The following ALDH1A1 variants were observed in gnomAD, a reference collection of about 807,000 sequenced individuals.
ALDH1A1 encodes the protein aldehyde dehydrogenase 1A1.
A neutral mutation model predicts 62.1 loss-of-function variants in ALDH1A1; 19 were observed. The ratio of observed to expected loss-of-function variants is 0.31; its 90% CI spans 0.21 to 0.45. The LOEUF is 0.45. Among genes scored for constraint, ALDH1A1 ranks in the 20% least tolerant of loss-of-function variants. The pLI is 1.00. For synonymous variants in ALDH1A1, 231 were observed against 215.9 expected (o/e 1.07, Z -0.61); for missense variants, 521 against 607.1 (o/e 0.86, Z 1.49).
chr9:72,918,350 T>C (rs1430136074), intron 8 of ALDH1A1, among the ~76,000 whole-genome samples: 1 of 152,180 alleles, frequency 6.6e-6, no homozygotes, highest in Non-Finnish European at 1.5e-5. Flanking sequence ...GTCTCCTCAG[T>C]TGGTCTCAAT....
chr9:72,906,324 A>G (rs1036993382), intron 11 of ALDH1A1, among the ~76,000 whole-genome samples: 1 of 152,156 alleles, frequency 6.6e-6, no homozygotes, highest in East Asian at 1.9e-4. Flanking sequence ...AATAGTCACT[A>G]TGCTGTAGGG....
At chr9:72,918,480 C>A (rs989552953) in intron 8 of ALDH1A1, among the ~76,000 whole-genome samples, 52 of 152,028 alleles carry the variant, frequency 3.4e-4, no homozygotes, top group Non-Finnish European at 8.8e-5. Context: ...TAGGGTTCAG[C>A]TGAGGAAATA....
chr9:72,943,950 GA>G (rs928337467), intron 1 of ALDH1A1, among the ~76,000 whole-genome samples: 2 of 149,816 alleles, frequency 1.3e-5, no homozygotes, highest in Admixed American at 1.3e-4. Context: ...TGGAAAGAAG[GA>G]AAAAAAAAGA....
intron 5 of ALDH1A1, 174 bp downstream of exon 5, chr9:72,926,942 C>T (rs932384522): frequency 2.1e-5 from 11 of 527,478 alleles, no homozygotes; most frequent in Non-Finnish European, 2.7e-5. Flanking sequence ...TTTCGGACTA[C>T]CTAATTCATA....
chr9:72,947,566 G>A (rs1830490027), intron 1 of ALDH1A1, among the ~76,000 whole-genome samples: 1 of 151,904 alleles, frequency 6.6e-6, no homozygotes, highest in African/African-American at 2.4e-5. Context: ...ATTGGGAAAG[G>A]GGGATAATAC....
intron 7 of ALDH1A1, among the ~76,000 whole-genome samples, chr9:72,920,784 T>C (rs191761738): frequency 6.6e-6 from 1 of 152,342 alleles, no homozygotes; most frequent in East Asian, 1.9e-4. Context: ...ACGTTTATCA[T>C]TTTTCTCAAA....
chr9:72,952,416 G>A (rs1456581862), intron 1 of ALDH1A1, among the ~76,000 whole-genome samples: 1 of 151,956 alleles, frequency 6.6e-6, no homozygotes, highest in Non-Finnish European at 1.5e-5. Flanking sequence ...ACCAAAATAT[G>A]CAAAATAATG....
At chr9:72,926,566 T>A (rs1830211821) in intron 5 of ALDH1A1, among the ~76,000 whole-genome samples, 1 of 152,244 alleles carries the variant, frequency 6.6e-6, no homozygotes, top group Non-Finnish European at 1.5e-5. Flanking sequence ...ATGGAGGATC[T>A]GAGCCTCTTA....
At chr9:72,931,553 C>T (rs1010784711) in intron 2 of ALDH1A1, among the ~76,000 whole-genome samples, 2 of 152,192 alleles carry the variant, frequency 1.3e-5, no homozygotes, top group African/African-American at 4.8e-5. Flanking sequence ...CCAGGTCAAG[C>T]TCAAGATCCA....
At chr9:72,934,466 TCCCTGGTTTTCAAGG>T (rs1482638275) in intron 2 of ALDH1A1, among the ~76,000 whole-genome samples, 2 of 152,192 alleles carry the variant, frequency 1.3e-5, no homozygotes, top group Non-Finnish European at 2.9e-5. Flanking sequence ...GTCAAAGTCC[TCCCTGGTTTTCAAGG>T]CCCAGGATTT....
intron 11 of ALDH1A1, among the ~76,000 whole-genome samples, chr9:72,906,914 G>A (rs1489154686): frequency 6.6e-6 from 1 of 152,134 alleles, no homozygotes; most frequent in Non-Finnish European, 1.5e-5. Context: ...GAGGCAGGAG[G>A]ATCACTTGAG....
rs1830197170 is a variant in ALDH1A1, at chr9:72,925,749, T to C, written c.505-137A>G. 3.0e-6 allele frequency: 3 copies of C among 984,400 alleles called. No homozygotes were observed. In the East Asian group the frequency reaches 8.5e-5, roughly 28 times the overall value. The allele number at this position is 984,400 out of a possible 1,614,324, so 61.0% of individuals were successfully genotyped here. ...TGTGAAATCATCTGGCATATTATAC[T>C]TCATTGCTAAAAGCAACTAGTAAAT... On this transcript the variant is annotated intron_variant, in intron 5 of 12. Transcript: ENST00000297785.
chr9:72,940,329 T>TA, intron 1 of ALDH1A1, 77 bp from the exon 2 acceptor site: 1 of 1,036,932 alleles, frequency 9.6e-7, no homozygotes. Flanking sequence ...AAACTTAAAC[T>TA]AAAGCATTTC....
chr9:72,937,635 T>A (rs8187899), intron 2 of ALDH1A1, among the ~76,000 whole-genome samples: 315 of 152,294 alleles, frequency 2.1e-3, no homozygotes, highest in African/African-American at 7.2e-3. Context: ...GACTACACTG[T>A]GGACATGTAC....
In ALDH1A1 at chr9:72,903,536, T is replaced by G. The variant is rs535562971; in HGVS notation, c.1434-2256A>C. ...CTTGGAACATCTTGCAGCAAATGAC[T>G]TGGTTATTAAATTCACCAAATTTGG... On this transcript the variant is annotated intron_variant, in intron 12 of 12. Transcript: ENST00000297785. Among the ~76,000 whole-genome samples the G allele has an allele frequency of 3.9e-5, 6 of 151,974 alleles. No individual in the cohort carries two copies. The South Asian group carries it at 6.2e-4, about 16-fold the overall frequency.
chr9:72,948,274 G>A (rs1563918588), intron 1 of ALDH1A1, among the ~76,000 whole-genome samples: 1 of 151,930 alleles, frequency 6.6e-6, no homozygotes, highest in Non-Finnish European at 1.5e-5. Context: ...CAGTTGGAAG[G>A]AAGTTAAAAA....
At chr9:72,914,304 C>T (rs1459782309) in intron 9 of ALDH1A1, among the ~76,000 whole-genome samples, 1 of 152,188 alleles carries the variant, frequency 6.6e-6, no homozygotes, top group African/African-American at 2.4e-5. Context: ...TGATAATTGT[C>T]ACCATGGGTA....
At chr9:72,912,928 T>C (rs1232583135) in intron 9 of ALDH1A1, among the ~76,000 whole-genome samples, 1 of 152,198 alleles carries the variant, frequency 6.6e-6, no homozygotes, top group Non-Finnish European at 1.5e-5. Context: ...CAATTTCTAT[T>C]TTGTGACATT....
intron 12 of ALDH1A1, 70 bp downstream of exon 12, chr9:72,905,888 G>A (rs1829872093): frequency 3.1e-6 from 4 of 1,303,166 alleles, no homozygotes; most frequent in Admixed American, 2.1e-5. Context: ...AAAACTATGA[G>A]TTAATTCCCT....
Sources: allele counts gnomAD v4.1 joint callset (sites outside exome capture counted in the v4.1 genomes callset), GRCh38; gene constraint gnomAD v4.1.1; transcripts MANE v1.5; gene names NCBI Gene and HGNC (gene_info 2026-07-23, HGNC 2026-07-21).